The following GLRA1 variants were observed in gnomAD, a reference collection of about 807,000 sequenced individuals.
GLRA1 encodes glycine receptor subunit alpha-1.
A neutral mutation model predicts 48.3 loss-of-function variants in GLRA1; 37 were observed. The observed-to-expected ratio is 0.77, with a 90% CI of 0.59 to 1.01. GLRA1 has a LOEUF of 1.01. GLRA1 is among the 50% of genes least tolerant of loss of function. The pLI is 0.00. For synonymous variants in GLRA1, 196 were observed against 210.7 expected, an observed-to-expected ratio of 0.93 and a Z score of 0.60; for missense variants, 427 against 571.0, an observed-to-expected ratio of 0.75 and a Z score of 2.57.
intron 1 of GLRA1, among the ~76,000 whole-genome samples, chr5:151,897,327 C>T (rs1233881741): frequency 6.6e-6 from 1 of 152,196 alleles, no homozygotes; most frequent in Admixed American, 6.5e-5. Context: ...CCACAATTCC[C>T]GGTTAACTTA....
chr5:151,855,005 G>T, intron 6 of GLRA1, 35 bp downstream of exon 6: 4 of 1,608,404 alleles, frequency 2.5e-6, no homozygotes, highest in Middle Eastern at 1.8e-4. Context: ...CCTGGTTGGG[G>T]GGTGGGATCT....
chr5:151,868,022 T>C (rs1183986641), intron 3 of GLRA1, among the ~76,000 whole-genome samples: 1 of 152,096 alleles, frequency 6.6e-6, no homozygotes, highest in Non-Finnish European at 1.5e-5. Context: ...GACAATCCAG[T>C]TGGGAGGTAA....
intron 1 of GLRA1, 27 bp downstream of exon 1, chr5:151,924,467 C>A (rs754926052): frequency 1.2e-5 from 17 of 1,395,514 alleles, no homozygotes; most frequent in Non-Finnish European, 1.7e-5. Flanking sequence ...TCCATCAGAG[C>A]GATGTGGTCA....
intron 3 of GLRA1, among the ~76,000 whole-genome samples, chr5:151,866,932 A>G (rs962263606): frequency 6.6e-6 from 1 of 152,052 alleles, no homozygotes; most frequent in Non-Finnish European, 1.5e-5. Context: ...GGAAAACTCC[A>G]TCTGTACAAA....
intron 3 of GLRA1, among the ~76,000 whole-genome samples, chr5:151,872,614 T>C (rs962340486): frequency 1.3e-5 from 2 of 149,828 alleles, no homozygotes; most frequent in Non-Finnish European, 2.9e-5. Context: ...TTTGTAATAG[T>C]GTAAAGCTGA....
rs572452972 is a variant in GLRA1 at position 151,826,311 on chromosome 5, A to G, written c.1059+2610T>C. Among the ~76,000 whole-genome samples, 3 of 152,322 alleles carry G rather than the reference A, an allele frequency of 2.0e-5. No individual in the cohort carries two copies. In the South Asian group the frequency reaches 6.2e-4, roughly 32 times the overall value. ...TTTTAAAAACACTCCAGGCCAAAGT[A>G]CAGATATTTGCACACCAAATCTGGC... On this transcript the variant is annotated intron_variant, in intron 8 of 8. Transcript: ENST00000274576.
At chr5:151,847,384 G>T (rs1752702701) in intron 7 of GLRA1, among the ~76,000 whole-genome samples, 1 of 152,162 alleles carries the variant, frequency 6.6e-6, no homozygotes, top group South Asian at 2.1e-4. Context: ...TCAACTAGGG[G>T]TGAATGGAGG....
At chr5:151,860,974 G>A (rs1753188088) in intron 3 of GLRA1, among the ~76,000 whole-genome samples, 1 of 152,208 alleles carries the variant, frequency 6.6e-6, no homozygotes, top group African/African-American at 2.4e-5. Context: ...AGAACATGCG[G>A]TGTTTGGTTT....
intron 3 of GLRA1, among the ~76,000 whole-genome samples, chr5:151,881,581 G>A (rs532226914): frequency 7.3e-4 from 108 of 148,330 alleles, no homozygotes; most frequent in Non-Finnish European, 1.4e-3. Context: ...AGCAATCTGC[G>A]CACCTTGGCC....
intron 7 of GLRA1, among the ~76,000 whole-genome samples, chr5:151,829,850 T>C (rs1581597982): frequency 6.6e-6 from 1 of 152,356 alleles, no homozygotes; most frequent in Non-Finnish European, 1.5e-5. Flanking sequence ...ATTGGCCTCT[T>C]TCACTTAGCA....
intron 7 of GLRA1, among the ~76,000 whole-genome samples, chr5:151,831,129 C>A (rs570650357): frequency 2.1e-3 from 317 of 152,358 alleles, no homozygotes; most frequent in Non-Finnish European, 3.5e-3. Flanking sequence ...AGATACTACT[C>A]TTTTCCCAGT....
At chr5:151,919,677 C>T (rs747194198) in intron 1 of GLRA1, among the ~76,000 whole-genome samples, 6 of 152,208 alleles carry the variant, frequency 3.9e-5, no homozygotes, top group Middle Eastern at 3.2e-3. Context: ...GATTTTAGAA[C>T]GTGATTGGCC....
At chr5:151,853,316 A>G (rs1752955496) in intron 6 of GLRA1, among the ~76,000 whole-genome samples, 1 of 151,754 alleles carries the variant, frequency 6.6e-6, no homozygotes, top group Non-Finnish European at 1.5e-5. Context: ...GCGTGATCTC[A>G]GCTCACTGCA....
intron 7 of GLRA1, chr5:151,848,874 C>A (rs1235815416): frequency 3.2e-6 from 2 of 629,630 alleles, no homozygotes; most frequent in African/African-American, 3.7e-5. Flanking sequence ...GCGCCCAGAA[C>A]ACCTTCCACC....
chr5:151,882,303 G>A (rs1324058787), intron 3 of GLRA1, among the ~76,000 whole-genome samples: 1 of 152,186 alleles, frequency 6.6e-6, no homozygotes, highest in Admixed American at 6.5e-5. Context: ...CTGATCCTCA[G>A]CTTTCTCATC....
At chr5:151,849,892 C>T (rs545472771) in intron 7 of GLRA1, 4 of 1,505,826 alleles carry the variant, frequency 2.7e-6, no homozygotes, top group Admixed American at 2.1e-5. Context: ...AGTCTGAAGG[C>T]TCCAACAGTG....
intron 4 of GLRA1, among the ~76,000 whole-genome samples, chr5:151,857,117 A>C (rs1237351825): frequency 6.6e-6 from 1 of 152,196 alleles, no homozygotes; most frequent in Non-Finnish European, 1.5e-5. Flanking sequence ...AGCAGCGACA[A>C]ACCTCTTTTC....
At chr5:151,875,071 G>A (rs1208170876) in intron 3 of GLRA1, among the ~76,000 whole-genome samples, 3 of 152,094 alleles carry the variant, frequency 2.0e-5, no homozygotes, top group Non-Finnish European at 4.4e-5. Flanking sequence ...GATTTAAAAT[G>A]TCTGCTTCAT....
At chr5:151,874,692 C>T (rs575957657) in intron 3 of GLRA1, among the ~76,000 whole-genome samples, 43 of 152,146 alleles carry the variant, frequency 2.8e-4, no homozygotes, top group Non-Finnish European at 5.7e-4. Flanking sequence ...TAGAGAGTAA[C>T]TGGAAGAGAG....
Sources: allele counts gnomAD v4.1 joint callset (sites outside exome capture counted in the v4.1 genomes callset), GRCh38; gene constraint gnomAD v4.1.1; transcripts MANE v1.5; gene names NCBI Gene and HGNC (gene_info 2026-07-23, HGNC 2026-07-21).